The following PLCL1 variants were observed in gnomAD, a reference collection of about 807,000 sequenced individuals.
PLCL1 encodes inactive phospholipase C-like protein 1.
Under a neutral mutation model 84.4 loss-of-function variants are expected in PLCL1, and 41 were observed. That is an observed-to-expected ratio of 0.49 (90% CI 0.38 to 0.63). PLCL1 has a LOEUF of 0.63. Among genes scored for constraint, PLCL1 ranks in the 30% least tolerant of loss-of-function variants. The pLI is 0.00. For missense variants in PLCL1, 1,206 were observed against 1,367.8 expected (o/e 0.88, Z 1.87); for synonymous variants, 490 against 488.3 (o/e 1.00, Z -0.05).
At chr2:198,139,231 C>T (rs1694327672) in intron 5 of PLCL1, among the ~76,000 whole-genome samples, 2 of 151,974 alleles carry the variant, frequency 1.3e-5, no homozygotes, top group South Asian at 4.2e-4. Context: ...ATGGGATTAT[C>T]AGCTTTTTCT....
chr2:198,081,863 T>C (rs1692721998), intron 1 of PLCL1, among the ~76,000 whole-genome samples: 2 of 152,338 alleles, frequency 1.3e-5, no homozygotes, highest in South Asian at 2.1e-4. Flanking sequence ...CCAAAGAAGA[T>C]ATTTTACCCT....
intron 1 of PLCL1, among the ~76,000 whole-genome samples, chr2:197,948,871 C>G (rs753095534): frequency 6.6e-6 from 1 of 152,084 alleles, no homozygotes; most frequent in Admixed American, 6.5e-5. Flanking sequence ...TTGGGTTATC[C>G]TTGGTAAAGG....
chr2:197,982,330 T>C (rs1690123230), intron 1 of PLCL1, among the ~76,000 whole-genome samples: 1 of 152,180 alleles, frequency 6.6e-6, no homozygotes, highest in African/African-American at 2.4e-5. Flanking sequence ...ATTTCCACTT[T>C]TATTGATAAC....
chr2:197,971,673 A>G (rs992543909), intron 1 of PLCL1, among the ~76,000 whole-genome samples: 1 of 152,242 alleles, frequency 6.6e-6, no homozygotes, highest in Non-Finnish European at 1.5e-5. Context: ...GCATAGAAAG[A>G]TATTACAACA....
At position 197,871,762 on chromosome 2, in the gene PLCL1, T is replaced by TC. The variant is rs1255312541; in HGVS notation, c.240+66428dup. 2.6e-5 allele frequency among the ~76,000 whole-genome samples: 4 copies of TC among 152,238 alleles called. No homozygotes were observed. The East Asian group carries it at 7.7e-4, about 29-fold the overall frequency. On this transcript the variant is annotated intron_variant, in intron 1 of 5. Transcript: ENST00000428675. ...ATTAAGTTAGGTGCACTCCTTAGTGTCCCCCTCCCTGAGTGCTTTGAGTAA... is the reference window on the plus strand; with the variant it reads ...ATTAAGTTAGGTGCACTCCTTAGTGTCCCCCCTCCCTGAGTGCTTTGAGTAA...
chr2:197,839,594 A>C (rs988639762), intron 1 of PLCL1, among the ~76,000 whole-genome samples: 2 of 152,222 alleles, frequency 1.3e-5, no homozygotes, highest in Non-Finnish European at 2.9e-5. Flanking sequence ...GATGGGCCAC[A>C]GACTGACACC....
At chr2:198,110,027 G>A (rs1693577232) in intron 5 of PLCL1, among the ~76,000 whole-genome samples, 1 of 151,682 alleles carries the variant, frequency 6.6e-6, no homozygotes, top group Non-Finnish European at 1.5e-5. Context: ...AAAGGGTTAA[G>A]AAGTAGCTGC....
chr2:198,091,863 A>G (rs2105904579), intron 3 of PLCL1, among the ~76,000 whole-genome samples: 1 of 152,218 alleles, frequency 6.6e-6, no homozygotes, highest in Middle Eastern at 3.4e-3. Flanking sequence ...AAGGTCATTT[A>G]TGATTTGCCC....
intron 1 of PLCL1, among the ~76,000 whole-genome samples, chr2:197,893,180 T>C (rs746861859): frequency 6.6e-5 from 10 of 152,214 alleles, no homozygotes; most frequent in Non-Finnish European, 1.2e-4. Context: ...AAGCAGAATT[T>C]GGAATATCTG....
intron 1 of PLCL1, among the ~76,000 whole-genome samples, chr2:197,852,203 A>G (rs1218739505): frequency 1.3e-5 from 2 of 149,400 alleles, no homozygotes; most frequent in African/African-American, 2.5e-5. Context: ...AATTCCTGGC[A>G]CCTCCTGTTG....
At chr2:197,947,153 T>C (rs1689291870) in intron 1 of PLCL1, among the ~76,000 whole-genome samples, 1 of 151,340 alleles carries the variant, frequency 6.6e-6, no homozygotes, top group Admixed American at 6.6e-5. Context: ...GGACAGATAA[T>C]TTAAAAAATT....
At chr2:197,850,505 G>A (rs929008463) in intron 1 of PLCL1, among the ~76,000 whole-genome samples, 1 of 152,118 alleles carries the variant, frequency 6.6e-6, no homozygotes, top group Non-Finnish European at 1.5e-5. Flanking sequence ...AAACGAGCAA[G>A]CTTATAATTT....
intron 1 of PLCL1, among the ~76,000 whole-genome samples, chr2:198,080,108 T>C (rs909604607): frequency 1.3e-5 from 2 of 152,212 alleles, no homozygotes; most frequent in Non-Finnish European, 2.9e-5. Flanking sequence ...TTATGGTCAT[T>C]GGAATCAGTT....
intron 1 of PLCL1, among the ~76,000 whole-genome samples, chr2:197,852,692 A>T (rs1008782003): frequency 3.3e-5 from 5 of 152,138 alleles, no homozygotes; most frequent in African/African-American, 1.2e-4. Context: ...GGCGGGTTGT[A>T]GGTAGCTTTG....
rs148981193 is a variant in PLCL1, at chr2:198,063,122, T to C, written c.241-20636T>C. 8.0e-5 allele frequency among the ~76,000 whole-genome samples: 12 copies of C among 150,548 alleles called. No individual in the cohort carries two copies. In the East Asian group the frequency reaches 2.1e-3, roughly 27 times the overall value. On this transcript the variant is annotated intron_variant, in intron 1 of 5. Coordinates refer to ENST00000428675, the MANE Select transcript of PLCL1 (RefSeq NM_006226.4). ...TTTAATAGCTGGAAATTTTTTAGTA[T>C]AGTTACTTAATACTATACTAAGTAC... is the stretch of plus-strand genomic sequence containing the variant.
intron 1 of PLCL1, among the ~76,000 whole-genome samples, chr2:198,031,659 C>CTTTT (rs5837577): frequency 1.2e-4 from 12 of 103,826 alleles, no homozygotes; most frequent in African/African-American, 4.2e-4. Flanking sequence ...ATGGCCAGTG[C>CTTTT]TTTTTTTTTT....
At chr2:198,041,009 T>C (rs1289389432) in intron 1 of PLCL1, among the ~76,000 whole-genome samples, 1 of 152,174 alleles carries the variant, frequency 6.6e-6, no homozygotes, top group Non-Finnish European at 1.5e-5. Context: ...TTGTGTCTTT[T>C]GCATAAGTTG....
chr2:197,882,313 G>A (rs1687843745), intron 1 of PLCL1, among the ~76,000 whole-genome samples: 1 of 152,064 alleles, frequency 6.6e-6, no homozygotes, highest in African/African-American at 2.4e-5. Context: ...GCAACCCTAT[G>A]GGTGCATCTT....
intron 3 of PLCL1, among the ~76,000 whole-genome samples, chr2:198,091,841 CTG>C (rs1693050695): frequency 1.3e-5 from 2 of 152,152 alleles, no homozygotes; most frequent in African/African-American, 4.8e-5. Context: ...AAACTCCTGA[CTG>C]TGGCTTTACA....
Sources: gnomAD v4.1 joint callset for allele counts (sites outside exome capture counted in the v4.1 genomes callset) on GRCh38, gnomAD v4.1.1 for gene constraint, MANE v1.5 for transcripts, NCBI Gene and HGNC (gene_info 2026-07-23, HGNC 2026-07-21) for gene names.